CSNK1G1: variants seen among roughly 807,000 people sequenced by gnomAD.
The protein encoded by CSNK1G1 is casein kinase 1 gamma 1.
A neutral mutation model predicts 59.6 loss-of-function variants in CSNK1G1; 22 were observed. The observed-to-expected ratio is 0.37, with a 90% confidence interval of 0.26 to 0.53. The LOEUF (loss-of-function observed/expected upper bound fraction) is 0.53. CSNK1G1 is among the 20% of genes least tolerant of loss of function. The pLI, the probability that CSNK1G1 is intolerant of heterozygous loss-of-function variation, is 0.89. For synonymous variants in CSNK1G1, 179 were observed against 177.1 expected (o/e 1.01, Z -0.08); for missense variants, 384 against 519.5 (o/e 0.74, Z 2.54).
chr15:64,206,435 G>A (rs554362058), intron 7 of CSNK1G1, among the ~76,000 whole-genome samples: 28 of 151,538 alleles, frequency 1.8e-4, no homozygotes, highest in Non-Finnish European at 2.9e-4. Context: ...GCGAGAGTCC[G>A]TCTCAAAACA....
Position 64,300,033 on chromosome 15 carries a change from C to A in CSNK1G1, c.181+286G>T, listed in dbSNP as rs143124795. Among the ~76,000 whole-genome samples, 674 of 152,226 alleles carry A rather than the reference C, an allele frequency of 4.4e-3. 5 individuals are homozygous for A. The highest frequency in any genetic ancestry group is 0.015 in the African/African-American group (626 of 41,512). Reference sequence around the variant, plus strand: ...GGGCTCCACCTCAGACATCCTAAATCAGAGTCTGCATTTTACTGATATCTG... The same window carrying A: ...GGGCTCCACCTCAGACATCCTAAATAAGAGTCTGCATTTTACTGATATCTG... On this transcript the variant is annotated intron_variant, in intron 2 of 11. Coordinates refer to ENST00000303052, the MANE Select transcript of CSNK1G1 (RefSeq NM_022048.5).
intron 2 of CSNK1G1, among the ~76,000 whole-genome samples, chr15:64,296,906 A>T (rs1895051273): frequency 7.3e-6 from 1 of 137,902 alleles, no homozygotes; most frequent in Admixed American, 7.3e-5. Flanking sequence ...GGGTGGAAAC[A>T]TTTGCAGAGA....
rs2081603005 is a variant in CSNK1G1 at position 64,166,354 on chromosome 15, T to C, written c.*5577A>G. 4.7e-6 allele frequency: 1 copy of C among 211,706 alleles called. No individual in the cohort carries two copies. Among genetic ancestry groups the C allele is most frequent in the African/African-American group, 2.3e-5 (1 of 43,796 alleles). 13.1% of individuals were successfully genotyped at this position (211,706 alleles called of 1,614,324 possible). A position where few individuals can be genotyped will look rare whatever the true frequency, so the allele number is the denominator to read the frequency against. On this transcript the variant is annotated 3_prime_UTR_variant, in exon 12 of 12. Coordinates refer to ENST00000303052, the MANE Select transcript of CSNK1G1 (RefSeq NM_022048.5). The surrounding 1 kb of genome is among the most constrained non-coding windows in gnomAD (Gnocchi z 4.5). ...ATATTTTTGGTTTATCTTTATCTTT[T>C]CTGCTGTTATTTTTTTTCTCTGCTT...
intron 2 of CSNK1G1, among the ~76,000 whole-genome samples, chr15:64,283,113 CT>C (rs1352048253): frequency 6.6e-6 from 1 of 152,056 alleles, no homozygotes; most frequent in African/African-American, 2.4e-5. Context: ...CATTAAAGAA[CT>C]TACTCATGTA....
At chr15:64,308,518 T>C (rs1425694783) in intron 1 of CSNK1G1, among the ~76,000 whole-genome samples, 1 of 152,186 alleles carries the variant, frequency 6.6e-6, no homozygotes, top group Non-Finnish European at 1.5e-5. Context: ...TTACTCTCAT[T>C]GTACTCATTC....
intron 1 of CSNK1G1, among the ~76,000 whole-genome samples, chr15:64,323,756 G>A (rs556495400): frequency 1.4e-4 from 22 of 152,012 alleles, no homozygotes; most frequent in Middle Eastern, 3.4e-3. Context: ...CCTTCAAAAC[G>A]CCATTATCCC....
At chr15:64,235,772 A>G (rs1230461479) in intron 4 of CSNK1G1, among the ~76,000 whole-genome samples, 2 of 152,246 alleles carry the variant, frequency 1.3e-5, no homozygotes, top group African/African-American at 4.8e-5. Context: ...TGACTGAGAA[A>G]GATTCAAACA....
intron 2 of CSNK1G1, among the ~76,000 whole-genome samples, chr15:64,289,777 G>A (rs935469806): frequency 7.2e-5 from 11 of 151,850 alleles, no homozygotes; most frequent in Admixed American, 4.6e-4. Context: ...ACAAAAAACC[G>A]TATAACCTCA....
In CSNK1G1 at chr15:64,204,792, T is replaced by G. The variant is rs1219455282; in HGVS notation, c.850+73A>C. ...TAATTACCTAAACAGCACCCCTATCTAGAGATACCCAGTCATGGACTCTAC... is the reference window on the plus strand; with the variant it reads ...TAATTACCTAAACAGCACCCCTATCGAGAGATACCCAGTCATGGACTCTAC... On this transcript the variant is annotated intron_variant, in intron 8 of 11. Coordinates refer to ENST00000303052, the MANE Select transcript of CSNK1G1 (RefSeq NM_022048.5). 3.4e-6 allele frequency: 4 copies of G among 1,170,188 alleles called. No homozygotes were observed. In the East Asian group the frequency reaches 9.3e-5, roughly 27 times the overall value. 72.5% of individuals were successfully genotyped at this position (1,170,188 alleles called of 1,614,324 possible).
intron 3 of CSNK1G1, among the ~76,000 whole-genome samples, chr15:64,253,758 G>A (rs1183086797): frequency 1.3e-5 from 2 of 152,176 alleles, no homozygotes; most frequent in Non-Finnish European, 2.9e-5. Flanking sequence ...TCTGACACAT[G>A]CTACAACACG....
intron 10 of CSNK1G1, among the ~76,000 whole-genome samples, chr15:64,187,458 C>T (rs983205906): frequency 1.3e-5 from 2 of 152,210 alleles, no homozygotes; most frequent in Middle Eastern, 3.4e-3. Context: ...CTTTGGCCTC[C>T]CAAAGTGCTG....
chr15:64,197,037 C>T (rs2082047260), intron 10 of CSNK1G1, among the ~76,000 whole-genome samples: 2 of 152,114 alleles, frequency 1.3e-5, no homozygotes, highest in South Asian at 2.1e-4. Context: ...CATCAAGTGC[C>T]CACTATTCTA....
At position 64,204,580 on chromosome 15, in the gene CSNK1G1, G is replaced by A. The variant is rs1029082379; in HGVS notation, c.860C>T (p.Ala287Val). The part of the protein sequence containing the change: ...ALCENFPEEM[A>V]TYLRYVRRLD... ...TCGCCTGACATATCGAAGGTAGGTT[G>A]CCATCTCCTCTGTTAGGAAAGAGAT... is the stretch of plus-strand genomic sequence containing the variant. The change falls in exon 9 of 12, where the codon GCA becomes GTA. Residue 287 changes from alanine (A) to valine (V), a missense_variant. Ala to Val is a moderately conservative substitution (Grantham distance 64, BLOSUM62 0). Coordinates refer to ENST00000303052, the MANE Select transcript of CSNK1G1 (RefSeq NM_022048.5). The A allele has an allele frequency of 5.0e-6, 8 of 1,613,236 alleles. No individual in the cohort carries two copies. The highest frequency in any genetic ancestry group is 2.2e-5 in the East Asian group (1 of 44,870).
At chr15:64,224,465 C>A (rs2082430528) in intron 4 of CSNK1G1, among the ~76,000 whole-genome samples, 1 of 152,040 alleles carries the variant, frequency 6.6e-6, no homozygotes, top group Non-Finnish European at 1.5e-5. Context: ...TGAGAATAAA[C>A]CCATGAAACA....
At chr15:64,227,007 T>G (rs1218118654) in intron 4 of CSNK1G1, among the ~76,000 whole-genome samples, 1 of 152,252 alleles carries the variant, frequency 6.6e-6, no homozygotes, top group Non-Finnish European at 1.5e-5. Context: ...TGTGTGTTAA[T>G]TTTTTGTATG....
At chr15:64,204,828 A>G in intron 8 of CSNK1G1, 37 bp downstream of exon 8, 1 of 1,407,862 alleles carries the variant, frequency 7.1e-7, no homozygotes, top group East Asian at 2.3e-5. Context: ...CTAGTTTCAA[A>G]GCTCAGTCAC....
intron 1 of CSNK1G1, among the ~76,000 whole-genome samples, chr15:64,336,867 A>G (rs1257388590): frequency 1.3e-5 from 2 of 152,044 alleles, no homozygotes; most frequent in Non-Finnish European, 2.9e-5. Context: ...ATAAATATTC[A>G]CATATGTCTT....
At chr15:64,318,164 T>A (rs1896371974) in intron 1 of CSNK1G1, among the ~76,000 whole-genome samples, 1 of 151,344 alleles carries the variant, frequency 6.6e-6, no homozygotes, top group Admixed American at 6.6e-5. Flanking sequence ...AAAAAATTAA[T>A]CATATATATA....
intron 2 of CSNK1G1, among the ~76,000 whole-genome samples, chr15:64,264,035 G>A (rs1892849219): frequency 6.6e-6 from 1 of 152,098 alleles, no homozygotes; most frequent in African/African-American, 2.4e-5. Context: ...CAGTAGGTAA[G>A]AGATGCTAAA....
Sources: allele counts gnomAD v4.1 joint callset (sites outside exome capture counted in the v4.1 genomes callset), GRCh38; gene constraint gnomAD v4.1.1; non-coding constraint Gnocchi (gnomAD v3.1); transcripts MANE v1.5; gene names NCBI Gene and HGNC (gene_info 2026-07-23, HGNC 2026-07-21).